FAM53C: variants seen among roughly 807,000 people sequenced by gnomAD.
FAM53C encodes family with sequence similarity 53 member C, also known as protein FAM53C.
In FAM53C, 10 loss-of-function variants were observed where a neutral mutation model predicts 34.7. The ratio of observed to expected loss-of-function variants is 0.29; its 90% CI spans 0.18 to 0.49. The LOEUF (loss-of-function observed/expected upper bound fraction) is 0.49. FAM53C is among the 20% of genes least tolerant of loss of function. The pLI, the probability that FAM53C is intolerant of heterozygous loss-of-function variation, is 0.99. For synonymous variants in FAM53C, 203 were observed against 203.6 expected (o/e 1.00, Z 0.03); for missense variants, 442 against 515.3 (o/e 0.86, Z 1.38).
chr5:138,341,895 G>T, intron 3 of FAM53C, 29 bp downstream of exon 3: 3 of 1,607,944 alleles, frequency 1.9e-6, no homozygotes. Context: ...TTGTGTACGT[G>T]TGTGTACCCA....
chr5:138,346,724 G>A lies in FAM53C; in HGVS notation c.944G>A (p.Cys315Tyr). ...MNQKPYSGGL[C>Y]LQETAREGSS... ...CAGAAACCATACTCAGGAGGTCTTTGTCTCCAAGAAACAGCCCGGGAAGGC... is the reference window on the plus strand; with the variant it reads ...CAGAAACCATACTCAGGAGGTCTTTATCTCCAAGAAACAGCCCGGGAAGGC... The change falls in exon 5 of 5, where the codon TGT (cysteine) becomes TAT (tyrosine). Residue 315 changes from cysteine (C) to tyrosine (Y), a missense_variant. By Grantham distance (194) the Cys-to-Tyr change is radical. Transcript: ENST00000239906. 1 of 1,614,134 alleles carries A rather than the reference G, an allele frequency of 6.2e-7. No homozygotes were observed. The highest frequency in any genetic ancestry group is 1.7e-5 in the Admixed American group (1 of 60,018).
Position 138,348,314 on chromosome 5 carries a change from C to G in FAM53C, c.*1355C>G, listed in dbSNP as rs956010667. Reference sequence around the variant, plus strand: ...TTTTGTTTCTCACCCGCAACTTGAGCCAGGACAGCTGGTCCAAGTGGCCAC... The same window carrying G: ...TTTTGTTTCTCACCCGCAACTTGAGGCAGGACAGCTGGTCCAAGTGGCCAC... On this transcript the variant is annotated 3_prime_UTR_variant, in exon 5 of 5. Coordinates refer to ENST00000239906, the MANE Select transcript of FAM53C (RefSeq NM_016605.3). 1.3e-5 allele frequency: 2 copies of G among 152,582 alleles called. No individual in the cohort carries two copies. The highest frequency in any genetic ancestry group is 2.9e-5 in the Non-Finnish European group (2 of 68,048). The allele number at this position is 152,582 out of a possible 1,614,324, so 9.5% of individuals were successfully genotyped here.
intron 1 of FAM53C, among the ~76,000 whole-genome samples, chr5:138,338,592 C>T (rs1305055239): frequency 3.8e-5 from 2 of 52,988 alleles, no homozygotes; most frequent in African/African-American, 7.4e-5. Context: ...CTGGCGCACC[C>T]CCCCCCCCGC....
chr5:138,342,010 C>CT (rs1561742289), intron 3 of FAM53C, 144 bp downstream of exon 3: 1 of 702,662 alleles, frequency 1.4e-6, no homozygotes, highest in Non-Finnish European at 2.5e-6. Context: ...TGACAGTTGT[C>CT]TTTCATGTTC....
rs780519457 is a variant in FAM53C at position 138,341,411 on chromosome 5, C to A, written c.76C>A (p.Leu26Met). The A allele has an allele frequency of 6.2e-7, 1 of 1,613,486 alleles. No individual in the cohort carries two copies. The highest frequency in any genetic ancestry group is 1.1e-5 in the South Asian group (1 of 91,044). ...ELKCTRFSISLPLPDHADISN... is the reference protein window; with the variant it reads ...ELKCTRFSISMPLPDHADISN... ...GAAATGCACACGCTTCAGCATCAGT[C>A]TGGTAAAAGACCAGTCTTCCTGCTT... The change falls in exon 2 of 5, where the codon CTG becomes ATG. Residue 26 changes from leucine to methionine, a missense_variant and splice_region_variant. By Grantham distance (15) the Leu-to-Met change is conservative. Transcript: ENST00000239906.
chr5:138,339,805 TCTTGCAC>T (rs1156851166), intron 1 of FAM53C, among the ~76,000 whole-genome samples: 1 of 152,258 alleles, frequency 6.6e-6, no homozygotes, highest in African/African-American at 2.4e-5. Flanking sequence ...GATTGACTTC[TCTTGCAC>T]CTTTCTTCCA....
rs766486600 is a variant in FAM53C, at chr5:138,345,086, T to C, written c.398T>C (p.Val133Ala). The C allele has an allele frequency of 6.2e-7, 1 of 1,613,896 alleles. No homozygotes were observed. Among genetic ancestry groups the C allele is most frequent in the Admixed American group, 1.7e-5 (1 of 60,022 alleles). ...GTGGACCTGTCTCGCTGGCAGCCGG[T>C]GTGGCGGCCCGCCCCCTCCAAGCTG... ...VPVDLSRWQP[V>A]WRPAPSKLWT... The change falls in exon 4 of 5, where the codon GTG becomes GCG. Residue 133 changes from valine (V) to alanine (A), a missense_variant. Val to Ala is a moderately conservative substitution (Grantham distance 64). Transcript: ENST00000239906. This position sits in a 1 kb window ranked among gnomAD's most constrained non-coding sequence, Gnocchi z 6.3.
chr5:138,346,684 T>G lies in FAM53C; in HGVS notation c.922-18T>G. On this transcript the variant is annotated intron_variant, in intron 4 of 4. Coordinates refer to ENST00000239906, the MANE Select transcript of FAM53C (RefSeq NM_016605.3). Reference sequence around the variant, plus strand: ...TTCTTGCCTTCAGGTGTAACTGTCTTCTTTGTTTGTTTGACAGAAACCATA... The same window carrying G: ...TTCTTGCCTTCAGGTGTAACTGTCTGCTTTGTTTGTTTGACAGAAACCATA... 1 of 1,613,878 alleles carries G rather than the reference T, an allele frequency of 6.2e-7. No individual in the cohort carries two copies. Among genetic ancestry groups the G allele is most frequent in the Non-Finnish European group, 8.5e-7 (1 of 1,179,968 alleles).
chr5:138,340,380 A>G (rs1761002357), intron 1 of FAM53C, among the ~76,000 whole-genome samples: 1 of 152,250 alleles, frequency 6.6e-6, no homozygotes, highest in South Asian at 2.1e-4. Flanking sequence ...AAATCAAGAC[A>G]CTGGCTTAAC....
chr5:138,344,841 G>GT lies in FAM53C; in HGVS notation c.153_154insT (p.Gly52TrpfsTer9). ...GCCTTCCAGAAGGTGCTTCCTGGAG[G>GT]GGCCTGCCCCACTGTTCCTGTGCTG... On this transcript the variant is annotated frameshift_variant, in exon 4 of 5. Transcript: ENST00000239906. LOFTEE classifies it high-confidence loss of function. 2 of 1,546,350 alleles carry GT rather than the reference G, an allele frequency of 1.3e-6. No homozygotes were observed. Among genetic ancestry groups the GT allele is most frequent in the Admixed American group, 2.1e-5 (1 of 46,542 alleles).
Position 138,346,839 on chromosome 5 carries a change from G to T in FAM53C, c.1059G>T (p.Leu353=). ...CSPTGGSSQV[L]SESEEEEEGA... is the part of the protein sequence containing the mutation. ...CCACTGGGGGTTCCTCCCAGGTGCT[G>T]AGTGAAAGCGAAGAGGAGGAGGAGG... The change falls in exon 5 of 5, where the codon CTG becomes CTT. Residue 353 remains leucine (L), a synonymous_variant. Coordinates refer to ENST00000239906, the MANE Select transcript of FAM53C (RefSeq NM_016605.3). The T allele has an allele frequency of 6.2e-7, 1 of 1,614,170 alleles. No homozygotes were observed. The highest frequency in any genetic ancestry group is 8.5e-7 in the Non-Finnish European group (1 of 1,180,026).
chr5:138,345,200 G>T lies in FAM53C; in HGVS notation c.512G>T (p.Arg171Met). ...QSPPKRVSSL[R>M]FLQAPSASSQ... is the part of the protein sequence containing the mutation. ...CCCCCAAAGCGGGTCTCCAGCCTCA[G>T]GTTCCTCCAAGCTCCCAGTGCCTCT... Residue 171 changes from arginine (R) to methionine (M), a missense_variant, in exon 4 of 5, where the codon AGG becomes ATG. Transcript: ENST00000239906. The surrounding 1 kb of genome is among the most constrained non-coding windows in gnomAD (Gnocchi z 6.3). 1.7e-5 allele frequency: 28 copies of T among 1,614,218 alleles called. No homozygotes were observed. The highest frequency in any genetic ancestry group is 2.4e-5 in the Non-Finnish European group (28 of 1,180,040).
rs560953062 is a variant in FAM53C, at chr5:138,341,186, T to C, written c.-150T>C. The C allele has an allele frequency of 1.4e-5, 11 of 771,836 alleles. No homozygotes were observed. In the South Asian group the frequency reaches 1.5e-4, roughly 11 times the overall value. The allele number at this position is 771,836 out of a possible 1,614,324, so 47.8% of individuals were successfully genotyped here. A position where few individuals can be genotyped will look rare whatever the true frequency, so the allele number is the denominator to read the frequency against. ...GGGCTGGTCCCTCTAATTGGCAGAC[T>C]CAGCAGGCATGACTGGAGAGGGAAG... On this transcript the variant is annotated splice_region_variant and 5_prime_UTR_variant, in exon 2 of 5. Transcript: ENST00000239906.
intron 2 of FAM53C, 52 bp downstream of exon 2, chr5:138,341,465 A>T (rs1194112766): frequency 1.4e-6 from 2 of 1,462,000 alleles, no homozygotes; most frequent in Non-Finnish European, 1.9e-6. Flanking sequence ...CTTTTTTCTG[A>T]GGCTGATTGT....
Position 138,345,951 on chromosome 5 carries a change from A to T in FAM53C, c.921+342A>T, listed in dbSNP as rs1442142673. On this transcript the variant is annotated intron_variant, in intron 4 of 4. Coordinates refer to ENST00000239906, the MANE Select transcript of FAM53C (RefSeq NM_016605.3). This position sits in a 1 kb window ranked among gnomAD's most constrained non-coding sequence, Gnocchi z 6.3. The stretch of plus-strand genomic sequence containing the variant: ...GCTGCAAAAAATTCCATCAGTACCT[A>T]CTCCTTGTGCCCAAAGCTGTTTTTG... 6.6e-6 allele frequency among the ~76,000 whole-genome samples: 1 copy of T among 152,014 alleles called. No individual in the cohort carries two copies. Among genetic ancestry groups the T allele is most frequent in the South Asian group, 2.1e-4 (1 of 4,824 alleles).
In FAM53C at chr5:138,345,362, G is replaced by T. The variant is rs377082233; in HGVS notation, c.674G>T (p.Cys225Phe). ...AGTGATGCTGAGTCCTTGTCACCTT[G>T]CCCACCTCAGCGCCGCTTCTCCCTG... is the stretch of plus-strand genomic sequence containing the variant. ...WESDAESLSP[C>F]PPQRRFSLSP... is the part of the protein sequence containing the mutation. The change falls in exon 4 of 5, where the codon TGC (cysteine) becomes TTC (phenylalanine). Residue 225 changes from cysteine to phenylalanine, a missense_variant. By Grantham distance (205) the Cys-to-Phe change is radical (BLOSUM62 -2). Transcript: ENST00000239906. This position sits in a 1 kb window ranked among gnomAD's most constrained non-coding sequence, Gnocchi z 6.3. 1 of 1,613,960 alleles carries T rather than the reference G, an allele frequency of 6.2e-7. No individual in the cohort carries two copies. The highest frequency in any genetic ancestry group is 1.3e-5 in the African/African-American group (1 of 74,906).
At chr5:138,340,087 C>T (rs367708396) in intron 1 of FAM53C, among the ~76,000 whole-genome samples, 5 of 152,120 alleles carry the variant, frequency 3.3e-5, no homozygotes, top group Admixed American at 6.5e-5. Context: ...CAAACGGGAA[C>T]GAGAAATGGT....
In FAM53C at chr5:138,345,565, C is replaced by G. The variant is rs746956114; in HGVS notation, c.877C>G (p.Pro293Ala). ...TGVKRRHEEDPRRLRPSLDFD... is the reference protein window; with the variant it reads ...TGVKRRHEEDARRLRPSLDFD... ...GGTCAAGCGGCGCCACGAGGAAGAC[C>G]CCCGGCGTCTGCGGCCTTCGTTGGA... Residue 293 changes from proline to alanine, a missense_variant, in exon 4 of 5, where the codon CCC (proline) becomes GCC (alanine). Transcript: ENST00000239906. The surrounding 1 kb of genome is among the most constrained non-coding windows in gnomAD (Gnocchi z 6.3). The G allele has an allele frequency of 6.2e-7, 1 of 1,613,740 alleles. No homozygotes were observed. The highest frequency in any genetic ancestry group is 8.5e-7 in the Non-Finnish European group (1 of 1,180,000).
chr5:138,340,885 CT>C (rs753800521), intron 1 of FAM53C, among the ~76,000 whole-genome samples: 2 of 152,246 alleles, frequency 1.3e-5, no homozygotes, highest in South Asian at 2.1e-4. Flanking sequence ...CTCTCTCTCA[CT>C]TGAGCAGCTG....
Sources: gnomAD v4.1 joint callset for allele counts (sites outside exome capture counted in the v4.1 genomes callset) on GRCh38, gnomAD v4.1.1 for gene constraint, Gnocchi (gnomAD v3.1) non-coding constraint, MANE v1.5 for transcripts, NCBI Gene and HGNC (gene_info 2026-07-23, HGNC 2026-07-21) for gene names.